TPTE2: variants seen among roughly 807,000 people sequenced by gnomAD.
TPTE2 encodes transmembrane phosphoinositide 3-phosphatase and tensin homolog 2, also known as phosphatidylinositol 3,4,5-trisphosphate 3-phosphatase TPTE2.
A neutral mutation model predicts 78.6 loss-of-function variants in TPTE2; 53 were observed. The observed-to-expected ratio is 0.67, with a 90% confidence interval of 0.54 to 0.85. TPTE2 has a LOEUF of 0.85. Among genes scored for constraint, TPTE2 ranks in the 40% least tolerant of loss-of-function variants. The pLI is 0.00. For synonymous variants in TPTE2, 175 were observed against 206.2 expected (o/e 0.85, Z 1.30); for missense variants, 461 against 623.0 (o/e 0.74, Z 2.77).
intron 1 of TPTE2, among the ~76,000 whole-genome samples, chr13:19,498,876 C>T (rs1389033336): frequency 1.3e-5 from 2 of 152,034 alleles, no homozygotes; most frequent in Non-Finnish European, 2.9e-5. Flanking sequence ...GAGTCAAGAC[C>T]CATCAGTGTG....
At chr13:19,560,563 C>T in the TPTE2 span, 5 of 1,598,962 alleles carry the variant, frequency 3.1e-6, no homozygotes, top group East Asian at 4.5e-5. Flanking sequence ...CTTGGCCCAG[C>T]TGATGGTGAC....
intron 6 of TPTE2, among the ~76,000 whole-genome samples, chr13:19,473,447 C>T (rs1879747973): frequency 6.6e-6 from 1 of 152,124 alleles, no homozygotes; most frequent in African/African-American, 2.4e-5. Context: ...ACTCTTTCCA[C>T]CCCTGTCCAA....
chr13:19,504,095 T>A (rs1229431814), upstream of TPTE2, among the ~76,000 whole-genome samples: 4 of 152,118 alleles, frequency 2.6e-5, no homozygotes, highest in African/African-American at 9.7e-5. Context: ...TCCAGGGTAC[T>A]GATTTGAATT....
At chr13:19,510,909 T>C (rs1209560586) in intron 1 of TPTE2, among the ~76,000 whole-genome samples, 5 of 152,180 alleles carry the variant, frequency 3.3e-5, no homozygotes, top group African/African-American at 9.7e-5. Context: ...AAGTAAAACA[T>C]AATGCAATAT....
chr13:19,462,961 C>T (rs991592941), intron 10 of TPTE2, among the ~76,000 whole-genome samples: 2 of 151,772 alleles, frequency 1.3e-5, no homozygotes, highest in Non-Finnish European at 2.9e-5. Flanking sequence ...CATATCTCTC[C>T]CATGTCTGTT....
At chr13:19,479,995 A>T (rs1226842228) in intron 4 of TPTE2, among the ~76,000 whole-genome samples, 1 of 151,966 alleles carries the variant, frequency 6.6e-6, no homozygotes, top group Non-Finnish European at 1.5e-5. Flanking sequence ...AAGATATGAG[A>T]TACTAAACCT....
At chr13:19,480,279 C>G (rs1880264627) in intron 4 of TPTE2, among the ~76,000 whole-genome samples, 1 of 152,104 alleles carries the variant, frequency 6.6e-6, no homozygotes, top group Non-Finnish European at 1.5e-5. Flanking sequence ...CACTCTAGAT[C>G]ACTAAAACAG....
intron 17 of TPTE2, 123 bp downstream of exon 20, chr13:19,430,345 A>G: frequency 1.4e-6 from 1 of 731,580 alleles, no homozygotes; most frequent in South Asian, 1.8e-5. Flanking sequence ...GTTGTATGGT[A>G]ACCAGAAAGC....
At chr13:19,524,166 T>C (rs1203379831) in intron 1 of TPTE2, among the ~76,000 whole-genome samples, 1 of 152,116 alleles carries the variant, frequency 6.6e-6, no homozygotes, top group Non-Finnish European at 1.5e-5. Flanking sequence ...GTCTGAGACC[T>C]CCATATAAAT....
chr13:19,552,333 A>G, the TPTE2 span, among the ~76,000 whole-genome samples: 1 of 152,204 alleles, frequency 6.6e-6, no homozygotes, highest in African/African-American at 2.4e-5. Context: ...TGTCATAGAA[A>G]TTCATGATGC....
chr13:19,534,857 T>C (rs1202570521), intron 1 of TPTE2, among the ~76,000 whole-genome samples: 1 of 152,208 alleles, frequency 6.6e-6, no homozygotes, highest in African/African-American at 2.4e-5. Flanking sequence ...GCTGACTACT[T>C]AAGCAAGTTT....
In TPTE2 at chr13:19,468,025, CTTTTTTTTTTTTTTTT is replaced by C. The variant is rs71092364; in HGVS notation, c.393-697_393-682del. ...CATGTTGTTCCAAATGACAGGATCTCTTTTTTTTTTTTTTTTTTTTTTTTTTTTTTTTTGAGATGGA... is the reference window on the plus strand; with the variant it reads ...CATGTTGTTCCAAATGACAGGATCTCTTTTTTTTTTTTTTTTTGAGATGGA... On this transcript the variant is annotated intron_variant, in intron 6 of 19. Transcript: ENST00000400230. Among the ~76,000 whole-genome samples, 188 of 45,544 alleles carry C rather than the reference CTTTTTTTTTTTTTTTT, an allele frequency of 4.1e-3. 5 individuals are homozygous for C. Among genetic ancestry groups the C allele is most frequent in the Admixed American group, 7.2e-3 (18 of 2,502 alleles). 29.9% of individuals were successfully genotyped at this position (45,544 alleles called of 152,430 possible).
At chr13:19,561,042 A>G in the TPTE2 span, 10 of 1,575,340 alleles carry the variant, frequency 6.3e-6, no homozygotes, top group South Asian at 4.7e-5. Flanking sequence ...TTGGACAGGG[A>G]GCTGAGCACC....
At chr13:19,470,650 T>C (rs1174821585) in intron 6 of TPTE2, among the ~76,000 whole-genome samples, 2 of 151,440 alleles carry the variant, frequency 1.3e-5, no homozygotes, top group East Asian at 3.9e-4. Flanking sequence ...CTCAGCCTCA[T>C]GAGTAGCTGA....
intron 1 of TPTE2, among the ~76,000 whole-genome samples, chr13:19,534,884 G>A (rs2451089): frequency 0.99 from 150,014 of 152,288 alleles, 73,928 homozygotes; most frequent in Middle Eastern, 1. Context: ...AATTTTAAGA[G>A]TAGTAACGAG....
chr13:19,497,522 A>G, intron 1 of TPTE2, among the ~76,000 whole-genome samples: 1 of 80,970 alleles, frequency 1.2e-5, no homozygotes, highest in East Asian at 4.0e-4. Context: ...ACTGGGAGGC[A>G]CCCCCCAGCA....
chr13:19,453,966 G>T lies in TPTE2; in HGVS notation c.742-2741C>A, dbSNP rs532884740. 2.0e-5 allele frequency among the ~76,000 whole-genome samples: 3 copies of T among 152,232 alleles called. No individual in the cohort carries two copies. In the East Asian group the frequency reaches 5.8e-4, roughly 29 times the overall value. On this transcript the variant is annotated intron_variant, in intron 10 of 19. Transcript: ENST00000400230. ...CTCTTGCAACAACCTCCACCTTTGG[G>T]TTTTCCTAAATCTACCATACTCTTC...
chr13:19,492,812 C>G, intron 3 of TPTE2, 38 bp downstream of exon 6: 1 of 1,608,218 alleles, frequency 6.2e-7, no homozygotes, highest in Non-Finnish European at 8.5e-7. Context: ...TCTATGCACT[C>G]TTATGCATAC....
chr13:19,450,187 T>C (rs750609009), intron 12 of TPTE2, 23 bp from the exon 16 acceptor site: 4 of 1,610,574 alleles, frequency 2.5e-6, no homozygotes, highest in East Asian at 4.5e-5. Flanking sequence ...TTAAGATTTT[T>C]AGTTAAAATA....
Sources: allele counts gnomAD v4.1 joint callset (sites outside exome capture counted in the v4.1 genomes callset), GRCh38; gene constraint gnomAD v4.1.1; transcripts MANE v1.5; gene names NCBI Gene and HGNC (gene_info 2026-07-23, HGNC 2026-07-21).